OR1J2: variants seen among roughly 807,000 people sequenced by gnomAD.
OR1J2 encodes olfactory receptor 1J2.
For missense variants in OR1J2, 304 were observed against 246.1 expected (o/e 1.24, Z -1.57); for synonymous variants, 142 against 99.7 (o/e 1.42, Z -2.52).
the OR1J2 span, among the ~76,000 whole-genome samples, chr9:122,561,604 C>T: frequency 4.6e-5 from 7 of 151,992 alleles, no homozygotes; most frequent in African/African-American, 9.7e-5. Flanking sequence ...TGTAGGGCTG[C>T]TGTGGTTTGC....
the OR1J2 span, among the ~76,000 whole-genome samples, chr9:122,549,151 G>A: frequency 1.2e-3 from 187 of 152,038 alleles, 2 homozygotes; most frequent in Non-Finnish European, 2.3e-3. Flanking sequence ...GGGTCATGAG[G>A]GCGGATCCCT....
the OR1J2 span, among the ~76,000 whole-genome samples, chr9:122,550,481 A>G: frequency 1.3e-5 from 2 of 152,202 alleles, no homozygotes; most frequent in African/African-American, 2.4e-5. Context: ...TGGTGACAAT[A>G]GATGCAAAAA....
chr9:122,575,369 A>G, the OR1J2 span, among the ~76,000 whole-genome samples: 1 of 152,128 alleles, frequency 6.6e-6, no homozygotes, highest in Non-Finnish European at 1.5e-5. Context: ...TTTCTTTTAT[A>G]GATACAGTTC....
downstream of OR1J2, among the ~76,000 whole-genome samples, chr9:122,514,239 A>G (rs1476533732): frequency 6.6e-6 from 1 of 152,190 alleles, no homozygotes; most frequent in Non-Finnish European, 1.5e-5. Context: ...ATGATATATC[A>G]TCACCCAGAT....
chr9:122,474,962 C>A, the OR1J2 span: 1 of 152,232 alleles, frequency 6.6e-6, no homozygotes, highest in Admixed American at 6.5e-5. Context: ...TTTACCCTGC[C>A]CTCACCAGAT....
At chr9:122,519,376 C>G in the OR1J2 span, 5 of 1,614,004 alleles carry the variant, frequency 3.1e-6, no homozygotes, top group African/African-American at 6.7e-5. Flanking sequence ...GTCACTGTCC[C>G]AAAGATGTTA....
At chr9:122,501,084 C>T in the OR1J2 span, among the ~76,000 whole-genome samples, 1 of 152,010 alleles carries the variant, frequency 6.6e-6, no homozygotes, top group Non-Finnish European at 1.5e-5. Flanking sequence ...TTTTTAAAAA[C>T]CTGCACATGC....
the OR1J2 span, among the ~76,000 whole-genome samples, chr9:122,474,487 A>G: frequency 6.6e-6 from 1 of 152,202 alleles, no homozygotes; most frequent in Non-Finnish European, 1.5e-5. Flanking sequence ...AAACCTGGCT[A>G]CAGGCTAGTT....
At chr9:122,559,328 G>A in the OR1J2 span, among the ~76,000 whole-genome samples, 1 of 151,402 alleles carries the variant, frequency 6.6e-6, no homozygotes, top group East Asian at 1.9e-4. Flanking sequence ...TTTACTTTAA[G>A]TTCTAGGATA....
the OR1J2 span, among the ~76,000 whole-genome samples, chr9:122,533,972 G>C: frequency 3.3e-5 from 5 of 152,210 alleles, no homozygotes; most frequent in Admixed American, 6.5e-5. Flanking sequence ...GGCTCTGGGA[G>C]TGGCTGCCAG....
chr9:122,535,887 T>A, the OR1J2 span, among the ~76,000 whole-genome samples: 1 of 151,876 alleles, frequency 6.6e-6, no homozygotes, highest in Non-Finnish European at 1.5e-5. Flanking sequence ...TTATAAGATT[T>A]GGGTAGGTAA....
the OR1J2 span, among the ~76,000 whole-genome samples, chr9:122,454,479 C>G: frequency 0.018 from 2,664 of 152,164 alleles, 81 homozygotes; most frequent in African/African-American, 0.061. Context: ...GATCATGCCA[C>G]TGCACTCCAG....
At chr9:122,537,750 A>G in the OR1J2 span, among the ~76,000 whole-genome samples, 2 of 152,162 alleles carry the variant, frequency 1.3e-5, no homozygotes, top group Admixed American at 1.3e-4. Context: ...TCTTGGAATC[A>G]TGGCTGAGGA....
the OR1J2 span, among the ~76,000 whole-genome samples, chr9:122,459,424 A>G: frequency 6.6e-6 from 1 of 152,238 alleles, no homozygotes; most frequent in Admixed American, 6.5e-5. Context: ...AATAATTCCG[A>G]TAAGATGCTC....
the OR1J2 span, among the ~76,000 whole-genome samples, chr9:122,492,965 A>G: frequency 6.6e-6 from 1 of 152,176 alleles, no homozygotes; most frequent in East Asian, 1.9e-4. Context: ...TATTGAGATC[A>G]TCATGTGAGT....
the OR1J2 span, among the ~76,000 whole-genome samples, chr9:122,521,403 A>G: frequency 6.6e-6 from 1 of 152,234 alleles, no homozygotes; most frequent in Non-Finnish European, 1.5e-5. Flanking sequence ...GCAATGAACA[A>G]GTGAGTTCAT....
the OR1J2 span, among the ~76,000 whole-genome samples, chr9:122,454,798 A>G: frequency 3.3e-5 from 5 of 152,210 alleles, no homozygotes; most frequent in Admixed American, 3.3e-4. Context: ...TGAAGTCACT[A>G]TCCATCTCAT....
At chr9:122,539,981 ATTTG>A in the OR1J2 span, among the ~76,000 whole-genome samples, 1 of 151,842 alleles carries the variant, frequency 6.6e-6, no homozygotes, top group African/African-American at 2.4e-5. Flanking sequence ...TTTCTTGTAA[ATTTG>A]TTTGAGTTCA....
the OR1J2 span, among the ~76,000 whole-genome samples, chr9:122,457,536 A>G: frequency 6.7e-6 from 1 of 150,078 alleles, no homozygotes; most frequent in Middle Eastern, 3.4e-3. Flanking sequence ...GAGGTGTGCA[A>G]AAAAAAAAAG....
Sources: gnomAD v4.1 joint callset for allele counts (sites outside exome capture counted in the v4.1 genomes callset) on GRCh38, gnomAD v4.1.1 for gene constraint, MANE v1.5 for transcripts, NCBI Gene and HGNC (gene_info 2026-07-23, HGNC 2026-07-21) for gene names.